The following CFAP46 variants were observed in gnomAD, a reference collection of about 807,000 sequenced individuals.
CFAP46 encodes cilia- and flagella-associated protein 46.
CFAP46 carries 245 observed loss-of-function variants against 325.7 expected under a neutral mutation model. The ratio of observed to expected loss-of-function variants is 0.75; its 90% CI spans 0.68 to 0.84. The LOEUF is 0.84. Ranked by LOEUF, CFAP46 falls within the 40% of genes least tolerant of loss-of-function variation. CFAP46 has a pLI of 0.00. For missense variants in CFAP46, 3,346 were observed against 3,543.0 expected, an observed-to-expected ratio of 0.94 and a Z score of 1.41; for synonymous variants, 1,523 against 1,495.9, an observed-to-expected ratio of 1.02 and a Z score of -0.42.
At chr10:132,810,670 G>A in intron 56 of CFAP46, 181 bp from the exon 57 acceptor site, 1 of 739,216 alleles carries the variant, frequency 1.4e-6, no homozygotes, top group African/African-American at 1.7e-5. Context: ...CGCCCACCAG[G>A]CTCAGCAGGA....
chr10:132,842,372 T>G (rs1248611356), intron 44 of CFAP46, among the ~76,000 whole-genome samples: 3 of 152,250 alleles, frequency 2.0e-5, no homozygotes, highest in African/African-American at 7.2e-5. Context: ...CAGAATGGCC[T>G]TTCCTGTCCA....
chr10:132,898,242 A>T (rs1319657349), intron 24 of CFAP46, among the ~76,000 whole-genome samples: 2 of 152,046 alleles, frequency 1.3e-5, no homozygotes, highest in African/African-American at 4.8e-5. Context: ...GCATCCACAG[A>T]CCTGTGAGCC....
At chr10:132,937,524 C>T (rs767036220) in intron 6 of CFAP46, 28 bp downstream of exon 6, 28 of 1,612,118 alleles carry the variant, frequency 1.7e-5, no homozygotes, top group Admixed American at 5.0e-5. Context: ...TTACTTCTTA[C>T]GTCTCTATTT....
chr10:132,922,016 G>A, intron 13 of CFAP46, 88 bp downstream of exon 13: 1 of 1,438,646 alleles, frequency 7.0e-7, no homozygotes, highest in South Asian at 1.4e-5. Context: ...GTGGCAGGGA[G>A]CATGGGGACT....
intron 9 of CFAP46, among the ~76,000 whole-genome samples, chr10:132,928,941 T>A (rs576751612): frequency 6.6e-6 from 1 of 152,328 alleles, no homozygotes; most frequent in African/African-American, 2.4e-5. Context: ...CCCTAGTCAT[T>A]TCATGTAAAT....
At position 132,835,358 on chromosome 10, in the gene CFAP46, C is replaced by G. The variant is rs772485012; in HGVS notation, c.6690G>C (p.Arg2230=). Residue 2230 remains arginine, a synonymous_variant, in exon 47 of 58, where the codon CGG becomes CGC. Transcript: ENST00000368586. ...SHLLACAQQF[R]KQTQAQVYSE... ...TGTACACCTGGGCCTGGGTCTGCTTCCGGAACTGCTGGGCACAGGCCAGCA... is the reference window on the plus strand; with the variant it reads ...TGTACACCTGGGCCTGGGTCTGCTTGCGGAACTGCTGGGCACAGGCCAGCA... The G allele has an allele frequency of 1.2e-6, 2 of 1,613,560 alleles. No homozygotes were observed. The highest frequency in any genetic ancestry group is 2.2e-5 in the South Asian group (2 of 91,092).
intron 44 of CFAP46, among the ~76,000 whole-genome samples, chr10:132,839,778 T>A (rs916758850): frequency 6.6e-6 from 1 of 152,248 alleles, no homozygotes; most frequent in African/African-American, 2.4e-5. Context: ...TGTCTCCTTT[T>A]CCTTCTGTTA....
chr10:132,910,010 G>A lies in CFAP46; in HGVS notation c.2558C>T (p.Thr853Ile). Residue 853 changes from threonine to isoleucine, a missense_variant, in exon 20 of 58, where the codon ACC (threonine) becomes ATC (isoleucine). Physicochemically the swap from Thr to Ile is moderately conservative, Grantham distance 89 (BLOSUM62 -1). Coordinates refer to ENST00000368586, the MANE Select transcript of CFAP46 (RefSeq NM_001200049.3). ...NGSAPEETVPTGTRQQLIATW... is the reference protein window; with the variant it reads ...NGSAPEETVPIGTRQQLIATW... ...GGCGATAAGCTGCTGCCGGGTGCCGGTGGGCACCGTCTCCTCGGGCGCACT... is the reference window on the plus strand; with the variant it reads ...GGCGATAAGCTGCTGCCGGGTGCCGATGGGCACCGTCTCCTCGGGCGCACT... The A allele has an allele frequency of 6.5e-7, 1 of 1,542,432 alleles. No homozygotes were observed. The highest frequency in any genetic ancestry group is 8.7e-7 in the Non-Finnish European group (1 of 1,143,804).
intron 24 of CFAP46, among the ~76,000 whole-genome samples, chr10:132,897,612 A>G (rs973570318): frequency 5.9e-5 from 9 of 152,254 alleles, no homozygotes; most frequent in Non-Finnish European, 1.2e-4. Context: ...AGGAAGCTGC[A>G]TCTGGCCCAC....
intron 55 of CFAP46, among the ~76,000 whole-genome samples, chr10:132,811,562 G>A (rs937589112): frequency 4.6e-5 from 7 of 152,202 alleles, no homozygotes; most frequent in East Asian, 1.9e-4. Context: ...GGCCCTCCAC[G>A]GAAGCAGGGA....
In CFAP46 at chr10:132,867,357, T is replaced by G; in HGVS notation, c.4743+18A>C. 4 of 1,545,748 alleles carry G rather than the reference T, an allele frequency of 2.6e-6. No individual in the cohort carries two copies. Among genetic ancestry groups the G allele is most frequent in the Non-Finnish European group, 3.5e-6 (4 of 1,145,922 alleles). ...CCGCTGGGCTGCGGGTCAGAGGGAT[T>G]CTGGACGGTGAGGTTACCTTGTCCT... On this transcript the variant is annotated intron_variant, in intron 34 of 57. Transcript: ENST00000368586.
chr10:132,833,287 T>C (rs1280100946), intron 50 of CFAP46, 71 bp downstream of exon 50: 7 of 1,435,144 alleles, frequency 4.9e-6, no homozygotes, highest in Admixed American at 3.9e-5. Flanking sequence ...CTAACATTGT[T>C]TCATCTGAAA....
At chr10:132,910,447 C>T (rs751329861) in intron 19 of CFAP46, among the ~76,000 whole-genome samples, 2 of 152,264 alleles carry the variant, frequency 1.3e-5, no homozygotes, top group Non-Finnish European at 2.9e-5. Context: ...AAATCTGCCA[C>T]GTGCTTTGCC....
chr10:132,851,004 C>G, intron 40 of CFAP46, 113 bp downstream of exon 40: 1 of 1,287,228 alleles, frequency 7.8e-7, no homozygotes, highest in Non-Finnish European at 1.1e-6. Context: ...CCCAGCTGAC[C>G]CGCACCGCCA....
chr10:132,905,498 C>A (rs1165821159), intron 22 of CFAP46, among the ~76,000 whole-genome samples: 1 of 143,048 alleles, frequency 7.0e-6, no homozygotes, highest in Admixed American at 7.1e-5. Flanking sequence ...TGGATCATAT[C>A]CTCAAGAAAC....
chr10:132,825,294 C>CTG (rs140742093), intron 50 of CFAP46, among the ~76,000 whole-genome samples: 1 of 150,702 alleles, frequency 6.6e-6, no homozygotes, highest in Admixed American at 6.6e-5. Context: ...CTGATGTGTG[C>CTG]TGTGTGTACT....
rs976142976 is a variant in CFAP46 at position 132,869,633 on chromosome 10, G to A, written c.4512-261C>T. 5.9e-5 allele frequency among the ~76,000 whole-genome samples: 9 copies of A among 152,280 alleles called. No individual in the cohort carries two copies. The South Asian group carries it at 8.3e-4, about 14-fold the overall frequency. On this transcript the variant is annotated intron_variant, in intron 32 of 57. Transcript: ENST00000368586. The surrounding 1 kb of genome is among the most constrained non-coding windows in gnomAD (Gnocchi z 6.2). Reference sequence around the variant, plus strand: ...ATCTGTTGCCTCCTGGACGCCGTCCGAGGAGAAGAGGAGGCCCTCAGGTGG... The same window carrying A: ...ATCTGTTGCCTCCTGGACGCCGTCCAAGGAGAAGAGGAGGCCCTCAGGTGG...
chr10:132,937,494 A>G (rs1224063823), intron 6 of CFAP46, 58 bp downstream of exon 6: 9 of 1,606,022 alleles, frequency 5.6e-6, no homozygotes, highest in Non-Finnish European at 7.7e-6. Context: ...CAGTTTTCTG[A>G]ACAATGACTT....
chr10:132,873,838 G>A (rs1414250550), intron 31 of CFAP46, among the ~76,000 whole-genome samples: 1 of 152,026 alleles, frequency 6.6e-6, no homozygotes, highest in Non-Finnish European at 1.5e-5. Flanking sequence ...GGCATTAAAA[G>A]GTAATACAAG....
Sources: allele counts gnomAD v4.1 joint callset (sites outside exome capture counted in the v4.1 genomes callset), GRCh38; gene constraint gnomAD v4.1.1; non-coding constraint Gnocchi (gnomAD v3.1); transcripts MANE v1.5; gene names NCBI Gene and HGNC (gene_info 2026-07-23, HGNC 2026-07-21).